The following PRKAA2 variants were observed in gnomAD, a reference collection of about 807,000 sequenced individuals.
The protein encoded by PRKAA2 is protein kinase AMP-activated catalytic subunit alpha 2, also known as 5'-AMP-activated protein kinase catalytic subunit alpha-2.
A neutral mutation model predicts 56.3 loss-of-function variants in PRKAA2; 40 were observed. The observed-to-expected ratio is 0.71, with a 90% CI of 0.55 to 0.92. The LOEUF (loss-of-function observed/expected upper bound fraction) is 0.92. Among genes scored for constraint, PRKAA2 ranks in the 40% least tolerant of loss-of-function variants. The probability of loss-of-function intolerance (pLI) is 0.00; values close to 1 mark genes in which losing one functional copy is unlikely to be tolerated. For synonymous variants in PRKAA2, 214 were observed against 234.2 expected, an observed-to-expected ratio of 0.91 and a Z score of 0.79; for missense variants, 542 against 686.9, an observed-to-expected ratio of 0.79 and a Z score of 2.36.
intron 2 of PRKAA2, among the ~76,000 whole-genome samples, chr1:56,684,208 G>A (rs1475526995): frequency 6.6e-6 from 1 of 152,106 alleles, no homozygotes; most frequent in Non-Finnish European, 1.5e-5. Context: ...AACTGAAGTG[G>A]AGAAGATTGT....
At chr1:56,665,078 T>C (rs1298516209) in intron 1 of PRKAA2, among the ~76,000 whole-genome samples, 6 of 56,584 alleles carry the variant, frequency 1.1e-4, no homozygotes, top group African/African-American at 1.8e-4. Flanking sequence ...AGTTCCTATC[T>C]TTTTTTTTTT....
At chr1:56,674,285 T>A (rs1161696002) in intron 1 of PRKAA2, 96 bp from the exon 2 acceptor site, 20 of 1,048,494 alleles carry the variant, frequency 1.9e-5, no homozygotes, top group Non-Finnish European at 2.7e-5. Context: ...AGATGGTATA[T>A]ATGAGTAGAG....
chr1:56,703,815 G>A (rs866241819), intron 6 of PRKAA2, among the ~76,000 whole-genome samples, 156 bp from the exon 7 acceptor site: 1 of 152,188 alleles, frequency 6.6e-6, no homozygotes, highest in Non-Finnish European at 1.5e-5. Context: ...AGGGTGGTGG[G>A]TAATTAACTT....
intron 1 of PRKAA2, among the ~76,000 whole-genome samples, chr1:56,657,610 A>C (rs1643956384): frequency 6.6e-6 from 1 of 152,148 alleles, no homozygotes; most frequent in Non-Finnish European, 1.5e-5. Flanking sequence ...GGGGAGGCAG[A>C]GGTTGCAGTG....
intron 6 of PRKAA2, among the ~76,000 whole-genome samples, chr1:56,699,429 T>C (rs1014484080): frequency 6.6e-6 from 1 of 152,180 alleles, no homozygotes; most frequent in African/African-American, 2.4e-5. Flanking sequence ...AACATCCTAG[T>C]TACTGCTCAC....
At chr1:56,705,184 G>A (rs781042596) in intron 7 of PRKAA2, among the ~76,000 whole-genome samples, 4 of 151,978 alleles carry the variant, frequency 2.6e-5, no homozygotes, top group Non-Finnish European at 4.4e-5. Flanking sequence ...TGCATTTGAC[G>A]TGTTCAAATA....
At chr1:56,690,190 G>T (rs1167537683) in intron 2 of PRKAA2, among the ~76,000 whole-genome samples, 1 of 147,042 alleles carries the variant, frequency 6.8e-6, no homozygotes, top group Non-Finnish European at 1.5e-5. Context: ...TTGAAGCGGA[G>T]TCTCGCTCTG....
chr1:56,666,584 AGT>A (rs1644037779), intron 1 of PRKAA2, among the ~76,000 whole-genome samples: 1 of 152,226 alleles, frequency 6.6e-6, no homozygotes, highest in Non-Finnish European at 1.5e-5. Flanking sequence ...CATTGAATAC[AGT>A]TCAACTGAAA....
chr1:56,680,322 C>T (rs1557552909), intron 2 of PRKAA2, among the ~76,000 whole-genome samples: 2 of 151,848 alleles, frequency 1.3e-5, no homozygotes, highest in Non-Finnish European at 2.9e-5. Flanking sequence ...GACTGAAGTA[C>T]TTAGGAGCAG....
chr1:56,713,848 T>TAAAAAA lies in PRKAA2; in HGVS notation c.*6151_*6156dup, dbSNP rs35829792. ...AAAGTGGAAGAGAGATCCACTGTTC[T>TAAAAAA]AAAAAAAAAAAAAAAAAAAAACACT... On this transcript the variant is annotated 3_prime_UTR_variant, in exon 9 of 9. Transcript: ENST00000371244. 9.0e-6 allele frequency: 1 copy of TAAAAAA among 110,560 alleles called. No homozygotes were observed. The highest frequency in any genetic ancestry group is 9.5e-5 in the Admixed American group (1 of 10,500). The allele number at this position is 110,560 out of a possible 1,614,324, so 6.8% of individuals were successfully genotyped here. A position where few individuals can be genotyped will look rare whatever the true frequency, so the allele number is the denominator to read the frequency against.
chr1:56,654,245 C>A (rs1643924626), intron 1 of PRKAA2, among the ~76,000 whole-genome samples: 1 of 152,064 alleles, frequency 6.6e-6, no homozygotes, highest in Admixed American at 6.6e-5. Flanking sequence ...CTTTATCTTG[C>A]TTCTTTTTGT....
At position 56,686,224 on chromosome 1, in the gene PRKAA2, A is replaced by G. The variant is rs547342797; in HGVS notation, c.237-5170A>G. The stretch of plus-strand genomic sequence containing the variant: ...CAGCATTTTCTACGAAGAAATGTAT[A>G]TGGTGTTTTGCAACTGTTGGAGAAT... On this transcript the variant is annotated intron_variant, in intron 2 of 8. Coordinates refer to ENST00000371244, the MANE Select transcript of PRKAA2 (RefSeq NM_006252.4). 1.6e-3 allele frequency among the ~76,000 whole-genome samples: 237 copies of G among 152,376 alleles called. 1 individual carries two copies. Among genetic ancestry groups the G allele is most frequent in the African/African-American group, 5.5e-3 (227 of 41,604 alleles).
chr1:56,705,851 A>G (rs536494430), intron 7 of PRKAA2, among the ~76,000 whole-genome samples: 4 of 152,260 alleles, frequency 2.6e-5, no homozygotes, highest in Non-Finnish European at 5.9e-5. Context: ...TTTTTCCTTT[A>G]TCTTTCACTT....
intron 6 of PRKAA2, among the ~76,000 whole-genome samples, chr1:56,703,087 T>C (rs1342668206): frequency 1.3e-5 from 2 of 152,176 alleles, no homozygotes; most frequent in African/African-American, 2.4e-5. Flanking sequence ...TTGTGTTAGA[T>C]GAAAATGGTT....
chr1:56,684,168 C>T (rs1218034760), intron 2 of PRKAA2, among the ~76,000 whole-genome samples: 1 of 151,884 alleles, frequency 6.6e-6, no homozygotes, highest in Non-Finnish European at 1.5e-5. Context: ...CATCTGGCCT[C>T]GGCGAAAAAA....
chr1:56,670,924 G>T (rs2746340), intron 1 of PRKAA2, among the ~76,000 whole-genome samples: 6 of 151,740 alleles, frequency 4.0e-5, no homozygotes, highest in African/African-American at 1.2e-4. Flanking sequence ...TATTTATTGC[G>T]GTCTCCCCAC....
At chr1:56,698,797 C>T (rs1644275336) in intron 6 of PRKAA2, among the ~76,000 whole-genome samples, 1 of 152,116 alleles carries the variant, frequency 6.6e-6, no homozygotes, top group African/African-American at 2.4e-5. Context: ...ACCATTTTCG[C>T]TTTTATTCAT....
chr1:56,646,836 T>C (rs1056010623), intron 1 of PRKAA2, among the ~76,000 whole-genome samples: 1 of 152,240 alleles, frequency 6.6e-6, no homozygotes, highest in African/African-American at 2.4e-5. Context: ...CTCATTCATG[T>C]GTTCAAAAAA....
chr1:56,696,821 A>G (rs900920322), intron 6 of PRKAA2, among the ~76,000 whole-genome samples: 11 of 152,058 alleles, frequency 7.2e-5, no homozygotes, highest in African/African-American at 2.7e-4. Flanking sequence ...GCCTATGAAT[A>G]TGACCTTTGT....
Sources: gnomAD v4.1 joint callset for allele counts (sites outside exome capture counted in the v4.1 genomes callset) on GRCh38, gnomAD v4.1.1 for gene constraint, MANE v1.5 for transcripts, NCBI Gene and HGNC (gene_info 2026-07-23, HGNC 2026-07-21) for gene names.